GOLGA8T: variants seen among roughly 807,000 people sequenced by gnomAD.
The protein encoded by GOLGA8T is golgin A8 family member T.
A neutral mutation model predicts 52.0 loss-of-function variants in GOLGA8T; 17 were observed. The ratio of observed to expected loss-of-function variants is 0.33; its 90% CI spans 0.22 to 0.49. The LOEUF is 0.49. GOLGA8T is among the 20% of genes least tolerant of loss of function. GOLGA8T has a pLI of 0.99. For missense variants in GOLGA8T, 154 were observed against 462.1 expected (o/e 0.33, Z 6.11); for synonymous variants, 67 against 169.5 (o/e 0.40, Z 4.70).
intron 2 of GOLGA8T, among the ~76,000 whole-genome samples, 153 bp downstream of exon 2, chr15:30,137,138 G>C (rs1021472601): frequency 7.0e-6 from 1 of 142,822 alleles, no homozygotes; most frequent in African/African-American, 2.7e-5. Context: ...AGCACTTTGG[G>C]AGGCCAAGGC....
At chr15:30,137,196 T>C (rs1452427713) in intron 2 of GOLGA8T, among the ~76,000 whole-genome samples, 5 of 146,900 alleles carry the variant, frequency 3.4e-5, no homozygotes, top group African/African-American at 1.3e-4. Flanking sequence ...GTTAACACGG[T>C]GAAACCCTGT....
chr15:30,142,483 G>C (rs1428848430), intron 13 of GOLGA8T, 101 bp downstream of exon 13: 22 of 1,540,930 alleles, frequency 1.4e-5, no homozygotes, highest in Non-Finnish European at 1.5e-5. Context: ...CTTCCAGCCT[G>C]GGGGCTGGTG....
In GOLGA8T at chr15:30,145,465, T is replaced by C. The variant is rs1400338588; in HGVS notation, c.1794T>C (p.Thr598=). The C allele has an allele frequency of 6.6e-7, 1 of 1,512,416 alleles. No homozygotes were observed. Among genetic ancestry groups the C allele is most frequent in the African/African-American group, 1.7e-5 (1 of 57,834 alleles). 93.7% of individuals were successfully genotyped at this position (1,512,416 alleles called of 1,614,324 possible). The change falls in exon 19 of 19, where the codon ACT becomes ACC. Residue 598 remains threonine (T), a synonymous_variant. Coordinates refer to ENST00000569052, the MANE Select transcript of GOLGA8T (RefSeq NM_001355469.2). The part of the protein sequence containing the change: ...AREDPLLDKP[T]AQPIVQDHQE... ...AGGATCCTCTCCTTGACAAGCCTAC[T>C]GCACAGCCGATCGTGCAGGACCACC...
At chr15:30,142,418 G>A (rs769462814) in intron 13 of GOLGA8T, 36 bp downstream of exon 13, 3 of 1,577,246 alleles carry the variant, frequency 1.9e-6, no homozygotes, top group East Asian at 4.6e-5. Context: ...CATCCAAGAA[G>A]GGCTGGGAGG....
rs1304578784 is a variant in GOLGA8T at position 30,146,984 on chromosome 15, A to G, written c.*1417A>G. On this transcript the variant is annotated 3_prime_UTR_variant, in exon 19 of 19. Transcript: ENST00000569052. ...TGCAATCTACTGTTCGTGAATGTCAATGTATTATCAGGAAACGTGTCTATA... is the reference window on the plus strand; with the variant it reads ...TGCAATCTACTGTTCGTGAATGTCAGTGTATTATCAGGAAACGTGTCTATA... Among the ~76,000 whole-genome samples the G allele has an allele frequency of 8.4e-6, 1 of 119,684 alleles. No individual in the cohort carries two copies. The highest frequency in any genetic ancestry group is 5.5e-5 in the African/African-American group (1 of 18,094). The allele number at this position is 119,684 out of a possible 152,430, so 78.5% of individuals were successfully genotyped here.
rs2057840038 is a variant in GOLGA8T at position 30,147,912 on chromosome 15, T to TGAG, written c.*2347_*2349dup. Among the ~76,000 whole-genome samples, 1 of 37,970 alleles carries TGAG rather than the reference T, an allele frequency of 2.6e-5. No individual in the cohort carries two copies. The highest frequency in any genetic ancestry group is 3.2e-4 in the Admixed American group (1 of 3,086). 24.9% of individuals were successfully genotyped at this position (37,970 alleles called of 152,430 possible). ...AACCAATCTGACAATAATGTGTTCA[T>TGAG]GAGGTGCCTATGGATTAAATCACAC... On this transcript the variant is annotated 3_prime_UTR_variant, in exon 19 of 19. Transcript: ENST00000569052.
In GOLGA8T at chr15:30,145,585, G is replaced by A. The variant is rs1444369447; in HGVS notation, c.*18G>A. The stretch of plus-strand genomic sequence containing the variant: ...GGAGATAAACATCACCATCCTCAAA[G>A]AGCTGCTCAAGAAATTTTTAAATAA... On this transcript the variant is annotated 3_prime_UTR_variant, in exon 19 of 19. Coordinates refer to ENST00000569052, the MANE Select transcript of GOLGA8T (RefSeq NM_001355469.2). 1 of 1,397,092 alleles carries A rather than the reference G, an allele frequency of 7.2e-7. No individual in the cohort carries two copies. The highest frequency in any genetic ancestry group is 1.9e-5 in the Admixed American group (1 of 52,002). 86.5% of individuals were successfully genotyped at this position (1,397,092 alleles called of 1,614,324 possible).
chr15:30,145,574 C>T lies in GOLGA8T; in HGVS notation c.*7C>T, dbSNP rs1199950650. 167 of 1,463,370 alleles carry T rather than the reference C, an allele frequency of 1.1e-4. 18 individuals carry two copies. Among genetic ancestry groups the T allele is most frequent in the Non-Finnish European group, 1.4e-4 (155 of 1,102,456 alleles). 90.6% of individuals were successfully genotyped at this position (1,463,370 alleles called of 1,614,324 possible). A position where few individuals can be genotyped will look rare whatever the true frequency, so the allele number is the denominator to read the frequency against. The stretch of plus-strand genomic sequence containing the variant: ...GCCAAGAAGAAGGAGATAAACATCA[C>T]CATCCTCAAAGAGCTGCTCAAGAAA... On this transcript the variant is annotated 3_prime_UTR_variant, in exon 19 of 19. Coordinates refer to ENST00000569052, the MANE Select transcript of GOLGA8T (RefSeq NM_001355469.2).
chr15:30,142,405 C>G (rs1232079033), intron 13 of GOLGA8T, 23 bp downstream of exon 13: 1 of 1,570,942 alleles, frequency 6.4e-7, no homozygotes, highest in Non-Finnish European at 8.5e-7. Flanking sequence ...GAAACCTCCA[C>G]CCCATCCAAG....
In GOLGA8T at chr15:30,142,308, G is replaced by T; in HGVS notation, c.1132-6G>T. The T allele has an allele frequency of 1.3e-6, 2 of 1,513,568 alleles. No homozygotes were observed. The highest frequency in any genetic ancestry group is 8.8e-7 in the Non-Finnish European group (1 of 1,138,790). The allele number at this position is 1,513,568 out of a possible 1,614,324, so 93.8% of individuals were successfully genotyped here. ...GGGTGGCTGCTGATTGCTTCTCTCT[G>T]TCCAGAACAATGAGAACAAGAACGC... is the stretch of plus-strand genomic sequence containing the variant. On this transcript the variant is annotated splice_region_variant and splice_polypyrimidine_tract_variant and intron_variant, in intron 12 of 18. Coordinates refer to ENST00000569052, the MANE Select transcript of GOLGA8T (RefSeq NM_001355469.2).
At chr15:30,142,519 T>G (rs767828971) in intron 13 of GOLGA8T, 137 bp downstream of exon 13, 5 of 1,485,890 alleles carry the variant, frequency 3.4e-6, no homozygotes, top group Non-Finnish European at 4.5e-6. Context: ...AGGGCAGTCC[T>G]GTTTCTTGCT....
chr15:30,141,571 A>T, intron 11 of GOLGA8T, 146 bp downstream of exon 11: 1 of 873,422 alleles, frequency 1.1e-6, no homozygotes, highest in East Asian at 2.7e-5. Context: ...GAGTCTTGTC[A>T]TCTCAATGAG....
rs530093008 is a variant in GOLGA8T at position 30,143,472 on chromosome 15, T to A, written c.1201-134T>A. ...TGAACCAGCTGCAGCAGCAGGAAGC[T>A]TGGGGCAAAGCGGTGGCTGAGATGG... is the stretch of plus-strand genomic sequence containing the variant. On this transcript the variant is annotated intron_variant, in intron 13 of 18. Coordinates refer to ENST00000569052, the MANE Select transcript of GOLGA8T (RefSeq NM_001355469.2). 1.6e-4 allele frequency: 236 copies of A among 1,474,460 alleles called. 8 individuals carry two copies. Among genetic ancestry groups the A allele is most frequent in the South Asian group, 9.4e-4 (73 of 78,028 alleles). 91.3% of individuals were successfully genotyped at this position (1,474,460 alleles called of 1,614,324 possible). A position where few individuals can be genotyped will look rare whatever the true frequency, so the allele number is the denominator to read the frequency against.
Position 30,142,395 on chromosome 15 carries a change from G to A in GOLGA8T, c.1200+13G>A, listed in dbSNP as rs754278859. 1.9e-6 allele frequency: 3 copies of A among 1,566,296 alleles called. No individual in the cohort carries two copies. Among genetic ancestry groups the A allele is most frequent in the Non-Finnish European group, 2.6e-6 (3 of 1,167,432 alleles). On this transcript the variant is annotated intron_variant, in intron 13 of 18. Coordinates refer to ENST00000569052, the MANE Select transcript of GOLGA8T (RefSeq NM_001355469.2). ...GAAGCTTGGCGAGGTGAAGGAGACG[G>A]AAACCTCCACCCCATCCAAGAAGGG...
chr15:30,140,073 A>G (rs1310126478), intron 8 of GOLGA8T: 1 of 572,942 alleles, frequency 1.7e-6, no homozygotes, highest in East Asian at 3.0e-5. Flanking sequence ...TAGGTGGGGT[A>G]TTGGGTACTT....
chr15:30,144,854 C>G lies in GOLGA8T; in HGVS notation c.1444C>G (p.His482Asp). The G allele has an allele frequency of 1.3e-6, 2 of 1,579,870 alleles. No homozygotes were observed. The highest frequency in any genetic ancestry group is 1.9e-4 in the Middle Eastern group (1 of 5,226). The change falls in exon 16 of 19, where the codon CAC becomes GAC. Residue 482 changes from histidine to aspartate, a missense_variant. By Grantham distance (81) the His-to-Asp change is moderately conservative. Coordinates refer to ENST00000569052, the MANE Select transcript of GOLGA8T (RefSeq NM_001355469.2). ...LVKKELCFIH[H>D]WRDRRHQKTH... is the part of the protein sequence containing the mutation. ...GAAAAAAGAACTCTGCTTCATCCAC[C>G]ACTGGCGAGACAGACGCCATCAGTG...
chr15:30,137,214 A>G lies in GOLGA8T; in HGVS notation c.168+229A>G, dbSNP rs1415929008. ...AACACGGTGAAACCCTGTCTCTACT[A>G]AAAATACAAAAACATTAGCCAAGCG... is the stretch of plus-strand genomic sequence containing the variant. On this transcript the variant is annotated intron_variant, in intron 2 of 18. Coordinates refer to ENST00000569052, the MANE Select transcript of GOLGA8T (RefSeq NM_001355469.2). Among the ~76,000 whole-genome samples, 185 of 147,520 alleles carry G rather than the reference A, an allele frequency of 1.3e-3. 8 individuals are homozygous for G. The highest frequency in any genetic ancestry group is 1.9e-3 in the Non-Finnish European group (126 of 67,316).
chr15:30,141,940 G>A lies in GOLGA8T; in HGVS notation c.1013G>A (p.Arg338Gln). 4 of 450,474 alleles carry A rather than the reference G, an allele frequency of 8.9e-6. No individual in the cohort carries two copies. The highest frequency in any genetic ancestry group is 3.5e-5 in the East Asian group (1 of 28,754). The allele number at this position is 450,474 out of a possible 1,614,324, so 27.9% of individuals were successfully genotyped here. ...CAGCGCATAAGTCTCCTGAACCAGC[G>A]ACAAGAAGAGAGGATTCAGGAGCAG... ...KNQRISLLNQ[R>Q]QEERIQEQEE... The change falls in exon 12 of 19, where the codon CGA becomes CAA. Residue 338 changes from arginine (R) to glutamine (Q), a missense_variant. Physicochemically the swap from Arg to Gln is conservative, Grantham distance 43. Transcript: ENST00000569052.
In GOLGA8T at chr15:30,146,859, ATACT is replaced by A. The variant is rs1382767133; in HGVS notation, c.*1295_*1298del. Among the ~76,000 whole-genome samples, 1 of 124,372 alleles carries A rather than the reference ATACT, an allele frequency of 8.0e-6. No homozygotes were observed. Among genetic ancestry groups the A allele is most frequent in the Non-Finnish European group, 1.5e-5 (1 of 65,852 alleles). 81.6% of individuals were successfully genotyped at this position (124,372 alleles called of 152,430 possible). A position where few individuals can be genotyped will look rare whatever the true frequency, so the allele number is the denominator to read the frequency against. On this transcript the variant is annotated 3_prime_UTR_variant, in exon 19 of 19. Transcript: ENST00000569052. ...ATTATTATAAACTAATATATGTGAGATACTTAGTTGAAACAAAAAGGAGTTTTAG... is the reference window on the plus strand; with the variant it reads ...ATTATTATAAACTAATATATGTGAGATAGTTGAAACAAAAAGGAGTTTTAG...
Sources: gnomAD v4.1 joint callset for allele counts (sites outside exome capture counted in the v4.1 genomes callset) on GRCh38, gnomAD v4.1.1 for gene constraint, MANE v1.5 for transcripts, NCBI Gene and HGNC (gene_info 2026-07-23, HGNC 2026-07-21) for gene names.